The following USP49 variants were observed in gnomAD, a reference collection of about 807,000 sequenced individuals.
USP49 encodes the protein ubiquitin specific peptidase 49, also known as ubiquitin carboxyl-terminal hydrolase 49.
Under a neutral mutation model 58.6 loss-of-function variants are expected in USP49, and 24 were observed. The observed-to-expected ratio is 0.41, with a 90% CI of 0.30 to 0.58. The LOEUF (loss-of-function observed/expected upper bound fraction) is 0.58. Ranked by LOEUF, USP49 falls within the 20% of genes least tolerant of loss-of-function variation. The pLI, the probability that USP49 is intolerant of heterozygous loss-of-function variation, is 0.30. For synonymous variants in USP49, 408 were observed against 365.1 expected (o/e 1.12, Z -1.34); for missense variants, 703 against 866.1 (o/e 0.81, Z 2.36).
rs751379337 is a variant in USP49, at chr6:41,806,646, C to T, written c.338G>A (p.Arg113His). ...RGQKQDTPVR[R>H]GRTLRSMASG... ...AGCCATGGACCGCAGCGTCCGCCCA[C>T]GTCTCACCGGCGTGTCCTGTTTCTG... The change falls in exon 4 of 8, where the codon CGT becomes CAT. Residue 113 changes from arginine to histidine, a missense_variant. Transcript: ENST00000682992. This position sits in a 1 kb window ranked among gnomAD's most constrained non-coding sequence, Gnocchi z 5.9. The T allele has an allele frequency of 8.7e-6, 14 of 1,613,572 alleles. No homozygotes were observed. The highest frequency in any genetic ancestry group is 1.6e-4 in the Middle Eastern group (1 of 6,084).
chr6:41,809,853 A>T (rs10807268), intron 3 of USP49, among the ~76,000 whole-genome samples: 28,411 of 149,768 alleles, frequency 0.19, 3,203 homozygotes, highest in East Asian at 0.29. Context: ...AATAAAAATT[A>T]AAAAATAAAG....
intron 3 of USP49, among the ~76,000 whole-genome samples, chr6:41,842,307 A>G (rs1290420979): frequency 2.6e-5 from 4 of 151,794 alleles, no homozygotes; most frequent in Non-Finnish European, 4.4e-5. Context: ...CAGGAGGTGG[A>G]GGTTGCAGTG....
chr6:41,816,450 C>T (rs1773351835), intron 3 of USP49, among the ~76,000 whole-genome samples: 1 of 152,148 alleles, frequency 6.6e-6, no homozygotes, highest in African/African-American at 2.4e-5. Flanking sequence ...GGTTTGCTTC[C>T]TGTGTCTGTA....
In USP49 at chr6:41,886,807, G is replaced by A. The variant is rs1365860535; in HGVS notation, c.-103+4987C>T. On this transcript the variant is annotated intron_variant, in intron 2 of 7. Coordinates refer to ENST00000682992, the MANE Select transcript of USP49 (RefSeq NM_001286554.2). ...CTAGCTACTCTAGGGGCTGAGACAG[G>A]AGAATCACTTGAACCTGGGAGACAG... Among the ~76,000 whole-genome samples, 4 of 152,210 alleles carry A rather than the reference G, an allele frequency of 2.6e-5. No individual in the cohort carries two copies. In the East Asian group the frequency reaches 7.7e-4, roughly 29 times the overall value.
intron 2 of USP49, among the ~76,000 whole-genome samples, chr6:41,879,711 T>C (rs1377410221): frequency 6.6e-6 from 1 of 152,156 alleles, no homozygotes; most frequent in African/African-American, 2.4e-5. Flanking sequence ...AAAGTTGATA[T>C]CGTGAAAGGT....
chr6:41,878,188 G>A (rs1774536124), intron 2 of USP49, among the ~76,000 whole-genome samples: 1 of 152,122 alleles, frequency 6.6e-6, no homozygotes, highest in African/African-American at 2.4e-5. Flanking sequence ...AGAAAGCAAA[G>A]ACTTTATGTC....
chr6:41,796,609 C>G lies in USP49; in HGVS notation c.1991G>C (p.Arg664Thr). The stretch of plus-strand genomic sequence containing the variant: ...AGCTTGGAGATGGGTTTCTGAGATT[C>G]TTGCATTGCCCTGCACTGTTCTTTG... ...YTQRTVQGNARISETHLQAQV... is the reference protein window; with the variant it reads ...YTQRTVQGNATISETHLQAQV... The change falls in exon 8 of 8, where the codon AGA becomes ACA. Residue 664 changes from arginine (R) to threonine (T), a missense_variant. Transcript: ENST00000682992. The G allele has an allele frequency of 1.4e-6, 1 of 717,514 alleles. No individual in the cohort carries two copies. The highest frequency in any genetic ancestry group is 2.6e-6 in the Non-Finnish European group (1 of 385,104). The allele number at this position is 717,514 out of a possible 1,614,324, so 44.4% of individuals were successfully genotyped here.
chr6:41,852,944 C>T (rs1316700421), intron 3 of USP49, among the ~76,000 whole-genome samples: 1 of 152,200 alleles, frequency 6.6e-6, no homozygotes, highest in Non-Finnish European at 1.5e-5. Flanking sequence ...AATCCCAGCA[C>T]TTTGAGAGGC....
At chr6:41,809,856 A>C (rs1773215541) in intron 3 of USP49, among the ~76,000 whole-genome samples, 2 of 150,362 alleles carry the variant, frequency 1.3e-5, no homozygotes, top group Admixed American at 1.3e-4. Context: ...AAAAATTAAA[A>C]AATAAAGAAA....
chr6:41,859,808 TTAAAC>T (rs1429399993), intron 3 of USP49, among the ~76,000 whole-genome samples: 22 of 152,146 alleles, frequency 1.4e-4, no homozygotes, highest in Admixed American at 1.4e-3. Flanking sequence ...AAAGAGTACT[TTAAAC>T]TACTATGAAA....
chr6:41,862,427 T>C (rs1582027646), intron 3 of USP49, among the ~76,000 whole-genome samples: 2 of 152,238 alleles, frequency 1.3e-5, no homozygotes, highest in African/African-American at 2.4e-5. Flanking sequence ...TGAATATTGA[T>C]CTATTTTTTC....
chr6:41,834,821 T>A (rs1773698225), intron 3 of USP49, among the ~76,000 whole-genome samples: 1 of 152,228 alleles, frequency 6.6e-6, no homozygotes, highest in African/African-American at 2.4e-5. Context: ...CAGTCTCAGG[T>A]ATTTCTTTAT....
At chr6:41,810,855 G>A (rs897747201) in intron 3 of USP49, among the ~76,000 whole-genome samples, 3 of 151,992 alleles carry the variant, frequency 2.0e-5, no homozygotes, top group African/African-American at 4.8e-5. Flanking sequence ...CACCGTGCCC[G>A]GCCGGTAGTT....
chr6:41,817,453 CTTTCT>C (rs1447988669), intron 3 of USP49, among the ~76,000 whole-genome samples: 7 of 111,736 alleles, frequency 6.3e-5, no homozygotes, highest in South Asian at 3.0e-4. Flanking sequence ...GCCTTTCTTT[CTTTCT>C]TTTTTTTTTT....
intron 3 of USP49, among the ~76,000 whole-genome samples, chr6:41,839,294 C>T (rs1773779051): frequency 6.7e-6 from 1 of 149,966 alleles, no homozygotes; most frequent in African/African-American, 2.5e-5. Context: ...TAGTCCCAGC[C>T]ACTTGGGAGG....
At chr6:41,848,634 G>A (rs374065352) in intron 3 of USP49, among the ~76,000 whole-genome samples, 6 of 152,012 alleles carry the variant, frequency 3.9e-5, no homozygotes, top group Middle Eastern at 3.4e-3. Context: ...CAAGGCACAC[G>A]GATCATAAGG....
Position 41,802,432 on chromosome 6 carries a change from A to ATTTTATTTTATTTTATTTTT in USP49, c.1561+1373_1561+1374insAAAAATAAAATAAAATAAAA, listed in dbSNP as rs772710803. ...TTTTTATTTTATTTTATTTTATTTT[A>ATTTTATTTTATTTTATTTTT]TTTATTTATTTATTTATTTATTTAT... On this transcript the variant is annotated intron_variant, in intron 5 of 7. Coordinates refer to ENST00000682992, the MANE Select transcript of USP49 (RefSeq NM_001286554.2). Among the ~76,000 whole-genome samples, 5 of 58,796 alleles carry ATTTTATTTTATTTTATTTTT rather than the reference A, an allele frequency of 8.5e-5. No individual in the cohort carries two copies. The Admixed American group carries it at 8.9e-4, about 10-fold the overall frequency. The allele number at this position is 58,796 out of a possible 152,430, so 38.6% of individuals were successfully genotyped here.
Position 41,796,252 on chromosome 6 carries a change from G to A in USP49, c.*281C>T, listed in dbSNP as rs1005466148. The stretch of plus-strand genomic sequence containing the variant: ...TATGATTGATTTACCCCCCCGCCCC[G>A]CTTTCCTCCACCCAGATCCCTCTAT... On this transcript the variant is annotated 3_prime_UTR_variant, in exon 8 of 8. Transcript: ENST00000682992. The A allele has an allele frequency of 2.2e-5, 7 of 311,118 alleles. No homozygotes were observed. The South Asian group carries it at 2.5e-4, about 11-fold the overall frequency. 19.3% of individuals were successfully genotyped at this position (311,118 alleles called of 1,614,324 possible). A position where few individuals can be genotyped will look rare whatever the true frequency, so the allele number is the denominator to read the frequency against.
At chr6:41,872,861 G>A (rs556633779) in intron 2 of USP49, 43 of 150,436 alleles carry the variant, frequency 2.9e-4, no homozygotes, top group African/African-American at 9.3e-4. Flanking sequence ...AGCCAAGATC[G>A]CGCCACTGCA....
Sources: allele counts gnomAD v4.1 joint callset (sites outside exome capture counted in the v4.1 genomes callset), GRCh38; gene constraint gnomAD v4.1.1; non-coding constraint Gnocchi (gnomAD v3.1); transcripts MANE v1.5; gene names NCBI Gene and HGNC (gene_info 2026-07-23, HGNC 2026-07-21).